TMEM132D: variants seen among roughly 807,000 people sequenced by gnomAD.
TMEM132D encodes the protein mature OL transmembrane protein.
Under a neutral mutation model 62.3 loss-of-function variants are expected in TMEM132D, and 21 were observed. That is an observed-to-expected ratio of 0.34 (90% CI 0.24 to 0.49). TMEM132D has a LOEUF of 0.49. Among genes scored for constraint, TMEM132D ranks in the 20% least tolerant of loss-of-function variants. The probability of loss-of-function intolerance (pLI) is 0.99; values close to 1 mark genes in which losing one functional copy is unlikely to be tolerated. For missense variants in TMEM132D, 1,346 were observed against 1,402.8 expected, an observed-to-expected ratio of 0.96 and a Z score of 0.65; for synonymous variants, 621 against 575.6, an observed-to-expected ratio of 1.08 and a Z score of -1.13.
chr12:129,205,935 C>T (rs1431044217), intron 5 of TMEM132D, among the ~76,000 whole-genome samples: 2 of 152,130 alleles, frequency 1.3e-5, no homozygotes, highest in East Asian at 1.9e-4. Context: ...CTTCCTTACA[C>T]CACATACAAA....
At chr12:129,808,598 C>T (rs1266076864) in intron 1 of TMEM132D, among the ~76,000 whole-genome samples, 5 of 152,164 alleles carry the variant, frequency 3.3e-5, no homozygotes, top group Non-Finnish European at 5.9e-5. Context: ...TATAAAGCAA[C>T]AGCTGATAAG....
intron 3 of TMEM132D, among the ~76,000 whole-genome samples, chr12:129,443,015 G>T (rs1032893208): frequency 6.6e-6 from 1 of 152,094 alleles, no homozygotes; most frequent in Non-Finnish European, 1.5e-5. Context: ...TCCTCAGGGT[G>T]GGGTGGAGAG....
chr12:129,173,796 T>C (rs1877809104), intron 5 of TMEM132D, among the ~76,000 whole-genome samples: 1 of 152,132 alleles, frequency 6.6e-6, no homozygotes, highest in African/African-American at 2.4e-5. Context: ...ATTGATTGAG[T>C]CCTTAGGATG....
chr12:129,271,584 C>T (rs1010388885), intron 4 of TMEM132D, among the ~76,000 whole-genome samples: 4 of 151,480 alleles, frequency 2.6e-5, no homozygotes, highest in Admixed American at 6.6e-5. Context: ...TAACAGGGCC[C>T]GGTGTATGAT....
intron 5 of TMEM132D, among the ~76,000 whole-genome samples, chr12:129,099,356 T>C (rs966585): frequency 0.86 from 130,197 of 152,238 alleles, 55,932 homozygotes; most frequent in East Asian, 0.95. Flanking sequence ...GTTGATTTTT[T>C]AGCAAAACTT....
chr12:129,245,159 T>G (rs547867001), intron 4 of TMEM132D, among the ~76,000 whole-genome samples: 2 of 152,230 alleles, frequency 1.3e-5, no homozygotes, highest in South Asian at 2.1e-4. Context: ...TCCATCATTA[T>G]AGTATCCCAC....
chr12:129,463,684 C>A (rs1873768519), intron 3 of TMEM132D, among the ~76,000 whole-genome samples: 1 of 149,734 alleles, frequency 6.7e-6, no homozygotes, highest in African/African-American at 2.5e-5. Context: ...TCCATGTGTT[C>A]TCATTGTTCA....
intron 5 of TMEM132D, among the ~76,000 whole-genome samples, chr12:129,122,032 G>T (rs11060148): frequency 1.3e-5 from 2 of 152,122 alleles, no homozygotes; most frequent in Admixed American, 1.3e-4. Context: ...GTTCTTCCGA[G>T]GCAGCCCTAG....
chr12:129,107,077 A>C (rs1286050202), intron 5 of TMEM132D, among the ~76,000 whole-genome samples: 2 of 152,214 alleles, frequency 1.3e-5, no homozygotes, highest in Non-Finnish European at 2.9e-5. Flanking sequence ...AGTGCTTGGC[A>C]TATAGTAGGC....
intron 2 of TMEM132D, among the ~76,000 whole-genome samples, chr12:129,545,933 G>A (rs1390657428): frequency 6.6e-6 from 1 of 152,142 alleles, no homozygotes; most frequent in African/African-American, 2.4e-5. Flanking sequence ...GAGGAACATG[G>A]TCTACATGGG....
intron 5 of TMEM132D, among the ~76,000 whole-genome samples, chr12:129,109,369 A>G (rs1420426570): frequency 2.0e-5 from 3 of 152,158 alleles, no homozygotes; most frequent in Non-Finnish European, 4.4e-5. Flanking sequence ...GGGGATGGTG[A>G]TCATGGTACC....
chr12:129,282,470 A>G (rs1881183548), intron 4 of TMEM132D, among the ~76,000 whole-genome samples: 2 of 152,190 alleles, frequency 1.3e-5, no homozygotes, highest in African/African-American at 4.8e-5. Context: ...GATGGCACAG[A>G]TCTGAGGTCC....
intron 2 of TMEM132D, among the ~76,000 whole-genome samples, chr12:129,696,199 C>T (rs60909853): frequency 1.3e-5 from 2 of 152,154 alleles, no homozygotes; most frequent in Admixed American, 6.5e-5. Context: ...CTCACTTCTG[C>T]CCTTTGTCAA....
intron 3 of TMEM132D, among the ~76,000 whole-genome samples, chr12:129,464,068 T>C (rs1345427424): frequency 2.7e-5 from 4 of 150,772 alleles, no homozygotes; most frequent in Admixed American, 6.6e-5. Context: ...CCACAATGGT[T>C]GAACTAGTTT....
At chr12:129,841,087 T>C (rs1873178770) in intron 1 of TMEM132D, among the ~76,000 whole-genome samples, 1 of 152,162 alleles carries the variant, frequency 6.6e-6, no homozygotes, top group African/African-American at 2.4e-5. Flanking sequence ...GCACTGCGGA[T>C]GCATAAACAC....
At chr12:129,818,539 CAT>C (rs1487489520) in intron 1 of TMEM132D, among the ~76,000 whole-genome samples, 5 of 139,130 alleles carry the variant, frequency 3.6e-5, no homozygotes, top group Non-Finnish European at 7.7e-5. Context: ...GGTTTGGGTG[CAT>C]ATATGTGTGT....
chr12:129,274,077 GA>G (rs113220157), intron 4 of TMEM132D, among the ~76,000 whole-genome samples: 23 of 151,512 alleles, frequency 1.5e-4, no homozygotes, highest in South Asian at 4.2e-4. Flanking sequence ...CCTAGTTGTA[GA>G]AAAAAAAGAT....
intron 5 of TMEM132D, among the ~76,000 whole-genome samples, chr12:129,177,480 G>A (rs538605160): frequency 4.7e-4 from 71 of 152,292 alleles, no homozygotes; most frequent in Non-Finnish European, 8.2e-4. Context: ...ATATGTGGCC[G>A]GGGATGATTG....
At chr12:129,644,592 G>A (rs1481451524) in intron 2 of TMEM132D, among the ~76,000 whole-genome samples, 3 of 152,010 alleles carry the variant, frequency 2.0e-5, no homozygotes, top group South Asian at 2.1e-4. Context: ...TTACAGTGCC[G>A]TTACAACAAT....
Sources: gnomAD v4.1 joint callset for allele counts (sites outside exome capture counted in the v4.1 genomes callset) on GRCh38, gnomAD v4.1.1 for gene constraint, MANE v1.5 for transcripts, NCBI Gene and HGNC (gene_info 2026-07-23, HGNC 2026-07-21) for gene names.